The following CTNNA2 variants were observed in gnomAD, a reference collection of about 807,000 sequenced individuals.
The protein encoded by CTNNA2 is catenin alpha-2.
In CTNNA2, 42 loss-of-function variants were observed where a neutral mutation model predicts 101.0. The observed-to-expected ratio is 0.42, with a 90% CI of 0.32 to 0.54. CTNNA2 has a LOEUF of 0.54. Among genes scored for constraint, CTNNA2 ranks in the 20% least tolerant of loss-of-function variants. The pLI, the probability that CTNNA2 is intolerant of heterozygous loss-of-function variation, is 0.14. For synonymous variants in CTNNA2, 450 were observed against 456.4 expected (o/e 0.99, Z 0.18); for missense variants, 871 against 1,223.1 (o/e 0.71, Z 4.29).
At chr2:79,969,719 C>T (rs1690339396) in intron 7 of CTNNA2, among the ~76,000 whole-genome samples, 1 of 152,148 alleles carries the variant, frequency 6.6e-6, no homozygotes, top group South Asian at 2.1e-4. Flanking sequence ...CTCTGTCTTC[C>T]TTTGGTTGCT....
In CTNNA2 at chr2:79,777,325, TTATGTGTGTG is replaced by T. The variant is rs1355642749; in HGVS notation, c.298+32745_298+32754del. On this transcript the variant is annotated intron_variant, in intron 3 of 18. Coordinates refer to ENST00000402739, the MANE Select transcript of CTNNA2 (RefSeq NM_001282597.3). ...GCTCTTAGCCCATACCAAACACTTG[TTATGTGTGTG>T]TGTGTGTGTGTGTGTGTGTGTGTGT... Among the ~76,000 whole-genome samples the T allele has an allele frequency of 0.011, 1,309 of 124,426 alleles. 40 individuals carry two copies. In the East Asian group the frequency reaches 0.12, roughly 11 times the overall value. The allele number at this position is 124,426 out of a possible 152,430, so 81.6% of individuals were successfully genotyped here.
intron 7 of CTNNA2, among the ~76,000 whole-genome samples, chr2:79,916,011 A>G (rs1220382024): frequency 1.3e-5 from 2 of 152,212 alleles, no homozygotes; most frequent in Non-Finnish European, 2.9e-5. Context: ...AGTAGCTCTT[A>G]TTACTTAAGA....
At chr2:80,108,633 G>A (rs185410608) in intron 7 of CTNNA2, among the ~76,000 whole-genome samples, 12 of 152,230 alleles carry the variant, frequency 7.9e-5, no homozygotes, top group African/African-American at 2.9e-4. Context: ...GCTATGATTT[G>A]CACATTCTAG....
At chr2:80,157,790 C>T (rs1016248438) in intron 7 of CTNNA2, among the ~76,000 whole-genome samples, 4 of 151,808 alleles carry the variant, frequency 2.6e-5, no homozygotes, top group East Asian at 3.9e-4. Context: ...TCACAGGTGC[C>T]GATTCCTGCA....
At chr2:79,348,630 A>C (rs1384833086) in intron 3 of CTNNA2, among the ~76,000 whole-genome samples, 2 of 152,228 alleles carry the variant, frequency 1.3e-5, no homozygotes, top group Non-Finnish European at 2.9e-5. Flanking sequence ...TCTGCCTAAA[A>C]GGTAACTAGG....
intron 3 of CTNNA2, among the ~76,000 whole-genome samples, chr2:79,817,373 T>C (rs1199166573): frequency 7.6e-6 from 1 of 132,084 alleles, no homozygotes; most frequent in Non-Finnish European, 1.5e-5. Flanking sequence ...AGTGACTAAA[T>C]GTGGTCAGTC....
At chr2:79,217,020 CT>C (rs762060923) in intron 2 of CTNNA2, among the ~76,000 whole-genome samples, 2 of 152,140 alleles carry the variant, frequency 1.3e-5, no homozygotes, top group Non-Finnish European at 2.9e-5. Flanking sequence ...TAAAACGTGT[CT>C]CCTTTGTCTC....
At chr2:79,226,880 G>A (rs1409300684) in intron 2 of CTNNA2, among the ~76,000 whole-genome samples, 2 of 151,998 alleles carry the variant, frequency 1.3e-5, no homozygotes, top group Non-Finnish European at 2.9e-5. Flanking sequence ...AGGCTCTTGT[G>A]CAACATGAAT....
At chr2:79,405,459 G>A (rs1311704191) in intron 4 of CTNNA2, among the ~76,000 whole-genome samples, 1 of 151,970 alleles carries the variant, frequency 6.6e-6, no homozygotes, top group Non-Finnish European at 1.5e-5. Flanking sequence ...CCAAGTAGCT[G>A]GGATTACAGG....
chr2:80,615,192 CA>C (rs1188303834), intron 17 of CTNNA2, among the ~76,000 whole-genome samples: 2 of 151,494 alleles, frequency 1.3e-5, no homozygotes, highest in Non-Finnish European at 1.5e-5. Context: ...AGATAGAATC[CA>C]TAGCAAAACT....
At chr2:79,444,861 T>C (rs920535815) in intron 4 of CTNNA2, among the ~76,000 whole-genome samples, 7 of 152,242 alleles carry the variant, frequency 4.6e-5, no homozygotes, top group African/African-American at 1.7e-4. Context: ...TACCCCTGTG[T>C]CAGAATGGCT....
At chr2:80,181,480 A>G (rs1705775106) in intron 7 of CTNNA2, among the ~76,000 whole-genome samples, 1 of 152,142 alleles carries the variant, frequency 6.6e-6, no homozygotes, top group Non-Finnish European at 1.5e-5. Flanking sequence ...GTAGACACCT[A>G]TTGAGGCTAC....
chr2:80,086,108 G>T (rs960865510), intron 7 of CTNNA2, among the ~76,000 whole-genome samples: 2 of 151,942 alleles, frequency 1.3e-5, no homozygotes, highest in Non-Finnish European at 2.9e-5. Context: ...AAGGTGATTT[G>T]GCAATCTAAA....
At chr2:79,955,160 G>A (rs762630861) in intron 7 of CTNNA2, among the ~76,000 whole-genome samples, 10 of 152,142 alleles carry the variant, frequency 6.6e-5, no homozygotes, top group Admixed American at 1.3e-4. Context: ...GCAGTATGAC[G>A]TATTAAATAT....
chr2:80,628,820 A>C (rs1374949336), intron 18 of CTNNA2, among the ~76,000 whole-genome samples: 1 of 152,146 alleles, frequency 6.6e-6, no homozygotes, highest in East Asian at 2.0e-4. Flanking sequence ...GAGTGGCACG[A>C]TGATCCCCAT....
intron 2 of CTNNA2, among the ~76,000 whole-genome samples, chr2:79,680,376 CCT>C (rs1486509487): frequency 6.6e-6 from 1 of 152,020 alleles, no homozygotes; most frequent in East Asian, 1.9e-4. Context: ...CTGCTAGGGG[CCT>C]CTCAGGAGGG....
At chr2:79,903,087 A>G (rs1685175402) in intron 6 of CTNNA2, among the ~76,000 whole-genome samples, 1 of 152,190 alleles carries the variant, frequency 6.6e-6, no homozygotes, top group Admixed American at 6.5e-5. Context: ...TTATTTGCAA[A>G]GTAGGAGTTT....
intron 18 of CTNNA2, among the ~76,000 whole-genome samples, chr2:80,630,176 A>G (rs1354905289): frequency 6.6e-6 from 1 of 152,198 alleles, no homozygotes; most frequent in Non-Finnish European, 1.5e-5. Context: ...CCCAACGGTA[A>G]TTAAGGGTTT....
chr2:80,633,131 T>G (rs968285763), intron 18 of CTNNA2, among the ~76,000 whole-genome samples: 2 of 152,190 alleles, frequency 1.3e-5, no homozygotes, highest in African/African-American at 2.4e-5. Flanking sequence ...ACAGGTAATA[T>G]GTATTAGGTT....
Sources: allele counts gnomAD v4.1 joint callset (sites outside exome capture counted in the v4.1 genomes callset), GRCh38; gene constraint gnomAD v4.1.1; transcripts MANE v1.5; gene names NCBI Gene and HGNC (gene_info 2026-07-23, HGNC 2026-07-21).